Variants in RHAG observed in about 807,000 individuals in gnomAD.
RHAG encodes ammonium transporter Rh type A.
In RHAG, 25 loss-of-function variants were observed where a neutral mutation model predicts 42.4. That is an observed-to-expected ratio of 0.59 (90% CI 0.43 to 0.82). The LOEUF (loss-of-function observed/expected upper bound fraction) is 0.82. Ranked by LOEUF, RHAG falls within the 40% of genes least tolerant of loss-of-function variation. RHAG has a pLI of 0.00. For synonymous variants in RHAG, 182 were observed against 177.7 expected, an observed-to-expected ratio of 1.02 and a Z score of -0.19; for missense variants, 483 against 504.6, an observed-to-expected ratio of 0.96 and a Z score of 0.41.
intron 8 of RHAG, 64 bp from the exon 9 acceptor site, chr6:49,606,985 T>G: frequency 8.1e-7 from 1 of 1,239,134 alleles, no homozygotes; most frequent in East Asian, 2.4e-5. Flanking sequence ...ACTTGCATAG[T>G]AGCTTATATA....
Position 49,619,629 on chromosome 6 carries a change from A to G in RHAG, c.158-267T>C, listed in dbSNP as rs16879538. Among the ~76,000 whole-genome samples, 7,569 of 152,256 alleles carry G rather than the reference A, an allele frequency of 0.05. 278 individuals are homozygous for G. The highest frequency in any genetic ancestry group is 0.11 in the South Asian group (509 of 4,812). ...GTGTGTCTTTCATCCTGTCCCTGAG[A>G]AATTCTACATTGTTTTCCACCTGAG... On this transcript the variant is annotated intron_variant, in intron 1 of 9. Transcript: ENST00000371175.
chr6:49,610,641 C>T (rs1179580796), intron 7 of RHAG, among the ~76,000 whole-genome samples: 3 of 152,070 alleles, frequency 2.0e-5, no homozygotes, highest in South Asian at 2.1e-4. Context: ...CCAACTCATC[C>T]TTCTTTGTGT....
At chr6:49,625,654 T>C (rs1297272604) in intron 1 of RHAG, among the ~76,000 whole-genome samples, 2 of 152,274 alleles carry the variant, frequency 1.3e-5, no homozygotes, top group African/African-American at 4.8e-5. Context: ...CGTCATCTCA[T>C]TCATTAGTAG....
At chr6:49,615,004 G>C in intron 4 of RHAG, 151 bp from the exon 5 acceptor site, 1 of 731,590 alleles carries the variant, frequency 1.4e-6, no homozygotes. Flanking sequence ...CTGGAGTGCA[G>C]TGGCTTGATC....
chr6:49,615,816 A>T, intron 3 of RHAG, 45 bp from the exon 4 acceptor site: 1 of 1,588,034 alleles, frequency 6.3e-7, no homozygotes, highest in Admixed American at 1.7e-5. Context: ...TGAACCTGAG[A>T]CTCATTTATG....
At position 49,605,741 on chromosome 6, in the gene RHAG, G is replaced by T; in HGVS notation, c.*72C>A. The T allele has an allele frequency of 7.6e-7, 1 of 1,320,464 alleles. No individual in the cohort carries two copies. Among genetic ancestry groups the T allele is most frequent in the Non-Finnish European group, 1.1e-6 (1 of 912,000 alleles). 81.8% of individuals were successfully genotyped at this position (1,320,464 alleles called of 1,614,324 possible). Reference sequence around the variant, plus strand: ...CTGGATAATGGGAAAGGAAGCTGGAGAGCAGGAATGGTGTTTAGACTTCAG... The same window carrying T: ...CTGGATAATGGGAAAGGAAGCTGGATAGCAGGAATGGTGTTTAGACTTCAG... On this transcript the variant is annotated 3_prime_UTR_variant, in exon 10 of 10. Transcript: ENST00000371175.
intron 2 of RHAG, 69 bp downstream of exon 2, chr6:49,619,110 T>G: frequency 1.3e-6 from 2 of 1,523,886 alleles, no homozygotes; most frequent in Non-Finnish European, 9.1e-7. Context: ...ATCATCATGT[T>G]GGAGGTTAAG....
At chr6:49,606,603 A>T in intron 9 of RHAG, 1 of 418,944 alleles carries the variant, frequency 2.4e-6, no homozygotes, top group South Asian at 8.9e-5. Flanking sequence ...TTGAAAGAAA[A>T]ATTTTAAATT....
intron 7 of RHAG, among the ~76,000 whole-genome samples, chr6:49,607,445 T>G (rs1378566062): frequency 5.3e-5 from 8 of 152,238 alleles, no homozygotes; most frequent in Admixed American, 5.2e-4. Context: ...GAGAATCATC[T>G]TTTCATGTAA....
chr6:49,607,006 A>G (rs1762480368), intron 8 of RHAG, 85 bp from the exon 9 acceptor site: 3 of 1,213,772 alleles, frequency 2.5e-6, no homozygotes, highest in Non-Finnish European at 3.6e-6. Flanking sequence ...CTATTATAAA[A>G]TCATCCCCTT....
chr6:49,605,707 G>T lies in RHAG; in HGVS notation c.*106C>A. The T allele has an allele frequency of 9.5e-7, 1 of 1,056,440 alleles. No individual in the cohort carries two copies. The highest frequency in any genetic ancestry group is 1.5e-6 in the Non-Finnish European group (1 of 671,324). 65.4% of individuals were successfully genotyped at this position (1,056,440 alleles called of 1,614,324 possible). A position where few individuals can be genotyped will look rare whatever the true frequency, so the allele number is the denominator to read the frequency against. On this transcript the variant is annotated 3_prime_UTR_variant, in exon 10 of 10. Transcript: ENST00000371175. Reference sequence around the variant, plus strand: ...TGGTTACTCCCTTTTTGTTTATTTGGACTTGATTCTGGATAATGGGAAAGG... The same window carrying T: ...TGGTTACTCCCTTTTTGTTTATTTGTACTTGATTCTGGATAATGGGAAAGG...
At chr6:49,628,768 C>T (rs549013773) in intron 1 of RHAG, among the ~76,000 whole-genome samples, 6 of 147,948 alleles carry the variant, frequency 4.1e-5, no homozygotes, top group East Asian at 4.0e-4. Flanking sequence ...TCGTTCCTCC[C>T]GGTGGGCTCG....
chr6:49,627,553 T>G lies in RHAG; in HGVS notation c.158-8191A>C, dbSNP rs578082232. Among the ~76,000 whole-genome samples the G allele has an allele frequency of 4.6e-5, 7 of 152,300 alleles. 1 individual carries two copies. The highest frequency in any genetic ancestry group is 1.7e-4 in the African/African-American group (7 of 41,572). ...CATTTCCAAAGTTGCTTTCACATTT[T>G]CGGGTATCTTTACAGCAGCATCCAA... On this transcript the variant is annotated intron_variant, in intron 1 of 9. Coordinates refer to ENST00000371175, the MANE Select transcript of RHAG (RefSeq NM_000324.3).
chr6:49,617,748 G>C (rs1043724423), intron 3 of RHAG, among the ~76,000 whole-genome samples: 8 of 152,188 alleles, frequency 5.3e-5, no homozygotes, highest in Non-Finnish European at 1.0e-4. Flanking sequence ...GGCAAAAGAA[G>C]AGTTGAGGAA....
intron 1 of RHAG, among the ~76,000 whole-genome samples, chr6:49,632,917 G>A (rs1443593709): frequency 6.6e-6 from 1 of 152,142 alleles, no homozygotes; most frequent in Non-Finnish European, 1.5e-5. Context: ...CCAGCACTTT[G>A]ATAGGTGCTA....
At chr6:49,624,398 T>C (rs1762809960) in intron 1 of RHAG, among the ~76,000 whole-genome samples, 1 of 152,076 alleles carries the variant, frequency 6.6e-6, no homozygotes. Flanking sequence ...ACAGACAGGG[T>C]TTCACCATGT....
At chr6:49,609,890 TA>T (rs202242073) in intron 7 of RHAG, among the ~76,000 whole-genome samples, 26 of 151,278 alleles carry the variant, frequency 1.7e-4, no homozygotes, top group South Asian at 4.2e-4. Flanking sequence ...TATGCAGCCA[TA>T]AAAAAAAATG....
chr6:49,624,097 G>A (rs886299023), intron 1 of RHAG, among the ~76,000 whole-genome samples: 8 of 152,130 alleles, frequency 5.3e-5, no homozygotes, highest in Non-Finnish European at 1.0e-4. Context: ...GTATAAAAGC[G>A]AAGAAATCTC....
At chr6:49,628,155 CACACACAGAG>C (rs1762871439) in intron 1 of RHAG, among the ~76,000 whole-genome samples, 1 of 117,204 alleles carries the variant, frequency 8.5e-6, no homozygotes, top group African/African-American at 3.6e-5. Flanking sequence ...CACACACACA[CACACACAGAG>C]AGAGAGAGAG....
Sources: gnomAD v4.1 joint callset for allele counts (sites outside exome capture counted in the v4.1 genomes callset) on GRCh38, gnomAD v4.1.1 for gene constraint, MANE v1.5 for transcripts, NCBI Gene and HGNC (gene_info 2026-07-23, HGNC 2026-07-21) for gene names.